ZBED6: variants seen among roughly 807,000 people sequenced by gnomAD.
ZBED6 encodes zinc finger BED-type containing 6, also known as zinc finger BED domain-containing protein 6.
A neutral mutation model predicts 58.4 loss-of-function variants in ZBED6; 40 were observed. The ratio of observed to expected loss-of-function variants is 0.68; its 90% confidence interval spans 0.53 to 0.89. The LOEUF (loss-of-function observed/expected upper bound fraction) is 0.89, where lower values mean the gene tolerates loss of function less well. Ranked by LOEUF, ZBED6 falls within the 40% of genes least tolerant of loss-of-function variation. ZBED6 has a pLI of 0.00. For missense variants in ZBED6, 1,057 were observed against 1,003.9 expected (o/e 1.05, Z -0.71); for synonymous variants, 439 against 350.6 (o/e 1.25, Z -2.82).
chr1:203,834,735 C>T (rs1380315115), intron 9 of ZBED6, among the ~76,000 whole-genome samples: 1 of 152,234 alleles, frequency 6.6e-6, no homozygotes, highest in Non-Finnish European at 1.5e-5. Flanking sequence ...CTGCAACCTC[C>T]ACCTCCTGGG....
rs1159783945 is a variant in ZBED6 at position 203,818,566 on chromosome 1, A to C, written c.*2754-4A>C. 2 of 1,613,978 alleles carry C rather than the reference A, an allele frequency of 1.2e-6. No individual in the cohort carries two copies. Among genetic ancestry groups the C allele is most frequent in the Non-Finnish European group, 8.5e-7 (1 of 1,179,934 alleles). On this transcript the variant is annotated splice_polypyrimidine_tract_variant and splice_region_variant and intron_variant, in intron 2 of 16. Coordinates refer to ENST00000550078, the Ensembl canonical transcript of ZBED6. ...CAAATAGAGTGTTCTCTATTTGTTT[A>C]CAGGGTGACAGCTGCCCATTCCGTC... is the stretch of plus-strand genomic sequence containing the variant.
intron 11 of ZBED6, among the ~76,000 whole-genome samples, chr1:203,843,879 T>C (rs946786782): frequency 2.6e-4 from 40 of 152,206 alleles, no homozygotes; most frequent in African/African-American, 9.1e-4. Context: ...TTTTTTGAGA[T>C]GGAGTTTCGC....
exon 17 of ZBED6, chr1:203,853,354 G>A (rs1199843013): frequency 6.6e-6 from 1 of 152,512 alleles, no homozygotes; most frequent in Non-Finnish European, 1.5e-5. Context: ...TTATCTATGG[G>A]CTGTAGCAGT....
chr1:203,818,291 T>TATATA lies in ZBED6; in HGVS notation c.*2754-279_*2754-278insATATA, dbSNP rs1314531599. ...TGAAGATGAACTGTAAAATACATTTTTAAAGAGGACCTAACACTCCTACTT... is the reference window on the plus strand; with the variant it reads ...TGAAGATGAACTGTAAAATACATTTTATATATAAAGAGGACCTAACACTCCTACTT... On this transcript the variant is annotated intron_variant, in intron 2 of 16. Transcript: ENST00000550078. 3.2e-3 allele frequency among the ~76,000 whole-genome samples: 493 copies of TATATA among 152,190 alleles called. 4 individuals are homozygous for TATATA. The highest frequency in any genetic ancestry group is 5.9e-3 in the Non-Finnish European group (400 of 67,908).
At chr1:203,835,151 C>T (rs1346743962) in intron 9 of ZBED6, among the ~76,000 whole-genome samples, 1 of 152,194 alleles carries the variant, frequency 6.6e-6, no homozygotes, top group Non-Finnish European at 1.5e-5. Flanking sequence ...ATCAGTTATG[C>T]ACTTTACGCT....
At chr1:203,847,185 T>C (rs769388111) in exon 12 of ZBED6, 13 of 1,611,964 alleles carry the variant, frequency 8.1e-6, no homozygotes, top group African/African-American at 2.7e-5. Context: ...TGAAAACAGA[T>C]AAAGTTAATA....
At chr1:203,850,727 A>C in intron 15 of ZBED6, 46 bp downstream of exon 15, 1 of 1,583,948 alleles carries the variant, frequency 6.3e-7, no homozygotes, top group South Asian at 1.1e-5. Context: ...GTGTGGTAGG[A>C]AAGCAGGAAA....
chr1:203,851,008 A>T (rs749319665), intron 15 of ZBED6, 49 bp from the exon 16 acceptor site: 1 of 1,595,580 alleles, frequency 6.3e-7, no homozygotes, highest in South Asian at 1.1e-5. Flanking sequence ...AATATGCTCA[A>T]ATTAAAAAGC....
Position 203,849,725 on chromosome 1 carries a change from C to G in ZBED6, c.*4337C>G, listed in dbSNP as rs138030283. On this transcript the variant is annotated 3_prime_UTR_variant, in exon 14 of 17. Transcript: ENST00000550078. ...TTTATCCACAGGCTTCAGGTGAGAC[C>G]ACAGGAGTTGACATCACTAAAATTC... 2.7e-4 allele frequency: 439 copies of G among 1,613,772 alleles called. 2 individuals carry two copies. The African/African-American group carries it at 5.3e-3, about 19-fold the overall frequency.
chr1:203,822,489 G>C (rs143978025), intron 3 of ZBED6, among the ~76,000 whole-genome samples: 1 of 152,156 alleles, frequency 6.6e-6, no homozygotes, highest in Non-Finnish European at 1.5e-5. Flanking sequence ...GATACTTTGT[G>C]CTGAGCGGCC....
Position 203,804,318 on chromosome 1 carries a change from A to G in ZBED6, c.*2554+1302A>G, listed in dbSNP as rs1373391711. ...AGGCACCCGCCACCTCGCCTGGCTAACTTTTTTGTATTTTTAGTAGAGACG... is the reference window on the plus strand; with the variant it reads ...AGGCACCCGCCACCTCGCCTGGCTAGCTTTTTTGTATTTTTAGTAGAGACG... On this transcript the variant is annotated intron_variant, in intron 1 of 16. Coordinates refer to ENST00000550078, the Ensembl canonical transcript of ZBED6. Among the ~76,000 whole-genome samples the G allele has an allele frequency of 2.0e-5, 3 of 151,768 alleles. No individual in the cohort carries two copies. In the East Asian group the frequency reaches 5.8e-4, roughly 29 times the overall value.
Position 203,840,492 on chromosome 1 carries a change from C to G in ZBED6, c.*3741+118C>G, listed in dbSNP as rs1051366978. ...TTTTGATTTTTGTTCTTTTGTAGTT[C>G]TGTTTGTTTTTTAAGTAATTGATCA... On this transcript the variant is annotated intron_variant, in intron 11 of 16. Transcript: ENST00000550078. 1.9e-4 allele frequency: 194 copies of G among 1,020,224 alleles called. 2 individuals carry two copies. In the South Asian group the frequency reaches 2.7e-3, roughly 14 times the overall value. The allele number at this position is 1,020,224 out of a possible 1,614,324, so 63.2% of individuals were successfully genotyped here.
chr1:203,850,939 T>A (rs979761233), intron 15 of ZBED6, 118 bp from the exon 16 acceptor site: 20 of 1,302,150 alleles, frequency 1.5e-5, no homozygotes, highest in Admixed American at 8.6e-5. Flanking sequence ...TATCGATTCT[T>A]AGATTCACAG....
At position 203,851,078 on chromosome 1, in the gene ZBED6, G is replaced by C. The variant is rs1481394367; in HGVS notation, c.*4827G>C. ...GTAGGCTGTTGTCCCGCTTGTCTCT[G>C]AGGACAAATCAGTCACTGTGCCTGA... On this transcript the variant is annotated 3_prime_UTR_variant, in exon 16 of 17. Coordinates refer to ENST00000550078, the Ensembl canonical transcript of ZBED6. 5 of 1,614,168 alleles carry C rather than the reference G, an allele frequency of 3.1e-6. No homozygotes were observed. The East Asian group carries it at 8.9e-5, about 29-fold the overall frequency.
intron 10 of ZBED6, among the ~76,000 whole-genome samples, chr1:203,839,730 C>T (rs1685486731): frequency 6.6e-6 from 1 of 152,160 alleles, no homozygotes; most frequent in Non-Finnish European, 1.5e-5. Flanking sequence ...GAAGGCTCTA[C>T]AATAACAAAA....
exon 1 of ZBED6, chr1:203,798,021 C>A: frequency 6.5e-7 from 1 of 1,534,048 alleles, no homozygotes; most frequent in Non-Finnish European, 8.7e-7. Context: ...AGGTAGCCAT[C>A]TTGGTACATC....
At chr1:203,840,913 C>T (rs1293191426) in intron 11 of ZBED6, among the ~76,000 whole-genome samples, 2 of 152,114 alleles carry the variant, frequency 1.3e-5, no homozygotes, top group African/African-American at 2.4e-5. Context: ...GGATTACAGG[C>T]ACGAGCCACC....
exon 17 of ZBED6, chr1:203,853,350 A>G (rs1389121866): frequency 1.3e-5 from 2 of 152,558 alleles, no homozygotes; most frequent in East Asian, 1.9e-4. Context: ...ATATTTATCT[A>G]TGGGCTGTAG....
intron 11 of ZBED6, among the ~76,000 whole-genome samples, chr1:203,842,051 G>A (rs1686484541): frequency 6.6e-6 from 1 of 151,544 alleles, no homozygotes; most frequent in South Asian, 2.1e-4. Flanking sequence ...GGGCGGCCGG[G>A]CAGAGACACT....
Sources: gnomAD v4.1 joint callset for allele counts (sites outside exome capture counted in the v4.1 genomes callset) on GRCh38, gnomAD v4.1.1 for gene constraint, MANE v1.5 for transcripts, NCBI Gene and HGNC (gene_info 2026-07-23, HGNC 2026-07-21) for gene names.